CSMD1: variants seen among roughly 807,000 people sequenced by gnomAD.
The protein encoded by CSMD1 is CUB and sushi domain-containing protein 1.
CSMD1 carries 213 observed loss-of-function variants against 417.5 expected under a neutral mutation model. That is an observed-to-expected ratio of 0.51 (90% confidence interval 0.46 to 0.57). The LOEUF is 0.57. Among genes scored for constraint, CSMD1 ranks in the 20% least tolerant of loss-of-function variants. The pLI, the probability that CSMD1 is intolerant of heterozygous loss-of-function variation, is 0.00. For missense variants in CSMD1, 6,923 were observed against 4,529.7 expected (o/e 1.53, Z -15.17); for synonymous variants, 2,862 against 1,736.8 (o/e 1.65, Z -16.11).
intron 25 of CSMD1, among the ~76,000 whole-genome samples, chr8:3,307,062 C>G (rs566770841): frequency 1.8e-4 from 28 of 152,266 alleles, no homozygotes; most frequent in Non-Finnish European, 3.2e-4. Flanking sequence ...TTGCTCCCAT[C>G]CCTGCACACA....
intron 3 of CSMD1, among the ~76,000 whole-genome samples, chr8:4,367,742 G>A (rs59175132): frequency 1.3e-5 from 2 of 152,072 alleles, no homozygotes; most frequent in Admixed American, 1.3e-4. Context: ...TCTTTCAGCA[G>A]TGTTTTGTAA....
intron 3 of CSMD1, among the ~76,000 whole-genome samples, chr8:4,402,279 C>A (rs895160568): frequency 2.0e-5 from 3 of 152,088 alleles, no homozygotes; most frequent in African/African-American, 4.8e-5. Context: ...ATTATCATTC[C>A]CCACGGTCTT....
At chr8:4,878,063 C>G (rs1484631593) in intron 1 of CSMD1, among the ~76,000 whole-genome samples, 1 of 152,088 alleles carries the variant, frequency 6.6e-6, no homozygotes, top group Non-Finnish European at 1.5e-5. Flanking sequence ...TTAAGAATCT[C>G]TGTAAAATGA....
At chr8:3,356,828 G>A (rs1808827372) in intron 21 of CSMD1, among the ~76,000 whole-genome samples, 1 of 152,210 alleles carries the variant, frequency 6.6e-6, no homozygotes, top group Non-Finnish European at 1.5e-5. Context: ...GCACTCTGGA[G>A]AGCCAGGGAA....
chr8:2,958,824 T>C (rs1803223171), intron 62 of CSMD1, among the ~76,000 whole-genome samples: 1 of 152,220 alleles, frequency 6.6e-6, no homozygotes, highest in Non-Finnish European at 1.5e-5. Context: ...AGTTATTTAA[T>C]TCCCTGTGTC....
chr8:3,756,526 C>T (rs1366276925), intron 5 of CSMD1, among the ~76,000 whole-genome samples: 1 of 152,126 alleles, frequency 6.6e-6, no homozygotes, highest in East Asian at 1.9e-4. Flanking sequence ...TTTTCCACAT[C>T]AGATACGATC....
intron 1 of CSMD1, among the ~76,000 whole-genome samples, chr8:4,665,660 T>A (rs1029573192): frequency 1.3e-5 from 2 of 152,208 alleles, no homozygotes; most frequent in Non-Finnish European, 1.5e-5. Context: ...CATAACGCAT[T>A]CAAGGTCCAC....
intron 5 of CSMD1, among the ~76,000 whole-genome samples, chr8:3,857,717 A>C (rs1251633732): frequency 6.6e-6 from 1 of 152,206 alleles, no homozygotes; most frequent in African/African-American, 2.4e-5. Flanking sequence ...AGGTGTGATG[A>C]TCCATTTACA....
At chr8:3,915,405 C>CAGAAAA (rs1554484704) in intron 5 of CSMD1, among the ~76,000 whole-genome samples, 1,228 of 76,258 alleles carry the variant, frequency 0.016, 31 homozygotes, top group African/African-American at 0.037. Context: ...GACTCTGTCT[C>CAGAAAA]AAAAAAAAAA....
intron 3 of CSMD1, among the ~76,000 whole-genome samples, chr8:4,364,197 A>T (rs974962283): frequency 3.1e-4 from 47 of 152,198 alleles, no homozygotes; most frequent in African/African-American, 1.0e-3. Context: ...AAAAATTTAA[A>T]AAATAAGTTA....
intron 3 of CSMD1, among the ~76,000 whole-genome samples, chr8:4,354,874 G>C (rs1046425370): frequency 1.2e-4 from 16 of 137,850 alleles, no homozygotes; most frequent in African/African-American, 4.8e-4. Context: ...TAGTGTGTGT[G>C]TGTGTGTGTG....
At chr8:4,302,929 G>C (rs1798057035) in intron 3 of CSMD1, among the ~76,000 whole-genome samples, 2 of 151,632 alleles carry the variant, frequency 1.3e-5, no homozygotes, top group East Asian at 1.9e-4. Context: ...TTTTTTTCTG[G>C]AAAATGCTGC....
chr8:4,751,418 A>G (rs1348401219), intron 1 of CSMD1, among the ~76,000 whole-genome samples: 1 of 152,040 alleles, frequency 6.6e-6, no homozygotes, highest in Non-Finnish European at 1.5e-5. Flanking sequence ...AGGAAAAGAG[A>G]GCATCTCTAT....
chr8:3,093,420 G>A (rs898153228), intron 47 of CSMD1, among the ~76,000 whole-genome samples: 2 of 152,012 alleles, frequency 1.3e-5, no homozygotes, highest in African/African-American at 2.4e-5. Flanking sequence ...TAATCCCAGC[G>A]CTTTGGGAGG....
intron 5 of CSMD1, among the ~76,000 whole-genome samples, chr8:3,990,790 G>A (rs774909570): frequency 9.9e-5 from 15 of 152,124 alleles, no homozygotes; most frequent in Non-Finnish European, 1.5e-4. Flanking sequence ...TGAGGAAGGA[G>A]AGGGGAGGGC....
intron 17 of CSMD1, among the ~76,000 whole-genome samples, chr8:3,395,177 A>G (rs1469078635): frequency 1.3e-5 from 2 of 152,224 alleles, no homozygotes; most frequent in Non-Finnish European, 2.9e-5. Context: ...GTAAAATCAT[A>G]CGTGTGGGTA....
chr8:3,175,566 T>G (rs1585559018), intron 37 of CSMD1, among the ~76,000 whole-genome samples: 1 of 141,942 alleles, frequency 7.0e-6, no homozygotes, highest in East Asian at 2.3e-4. Context: ...CCTCCCTGCC[T>G]TCCTTCCTTC....
chr8:4,344,644 A>G (rs1002804612), intron 3 of CSMD1, among the ~76,000 whole-genome samples: 5 of 151,892 alleles, frequency 3.3e-5, no homozygotes, highest in African/African-American at 1.2e-4. Flanking sequence ...GGTTTGTTTA[A>G]AAGCACTCAA....
chr8:4,484,005 A>G (rs940839108), intron 2 of CSMD1, among the ~76,000 whole-genome samples: 1 of 152,104 alleles, frequency 6.6e-6, no homozygotes. Flanking sequence ...GAAACATCCC[A>G]TTGCCTGTTG....
Sources: allele counts gnomAD v4.1 joint callset (sites outside exome capture counted in the v4.1 genomes callset), GRCh38; gene constraint gnomAD v4.1.1; transcripts MANE v1.5; gene names NCBI Gene and HGNC (gene_info 2026-07-23, HGNC 2026-07-21).